Variants in INPP4B observed in about 807,000 individuals in gnomAD.
INPP4B encodes inositol polyphosphate 4-phosphatase type II.
A neutral mutation model predicts 122.5 loss-of-function variants in INPP4B; 55 were observed. The observed-to-expected ratio is 0.45, with a 90% CI of 0.36 to 0.56. The LOEUF (loss-of-function observed/expected upper bound fraction) is 0.56, where lower values mean the gene tolerates loss of function less well. Ranked by LOEUF, INPP4B falls within the 20% of genes least tolerant of loss-of-function variation. The pLI is 0.00. For missense variants in INPP4B, 1,000 were observed against 1,097.7 expected (o/e 0.91, Z 1.26); for synonymous variants, 403 against 388.7 (o/e 1.04, Z -0.43).
intron 7 of INPP4B, among the ~76,000 whole-genome samples, chr4:142,324,288 T>A (rs574628154): frequency 6.6e-6 from 1 of 152,212 alleles, no homozygotes; most frequent in Non-Finnish European, 1.5e-5. Flanking sequence ...GTCTATGGTA[T>A]TACTTATGCG....
intron 2 of INPP4B, among the ~76,000 whole-genome samples, chr4:142,526,565 C>T (rs893442163): frequency 2.0e-5 from 3 of 152,036 alleles, no homozygotes; most frequent in African/African-American, 7.2e-5. Context: ...AGTTAATCGA[C>T]CATGGCATGC....
intron 5 of INPP4B, among the ~76,000 whole-genome samples, chr4:142,427,931 TAG>T (rs978635600): frequency 6.6e-6 from 1 of 151,784 alleles, no homozygotes; most frequent in South Asian, 2.1e-4. Context: ...GAAAACTCTC[TAG>T]AGAGAGAGGG....
rs553751077 is a variant in INPP4B, at chr4:142,473,977, TG to T, written c.-190-11252del. Among the ~76,000 whole-genome samples the T allele has an allele frequency of 3.9e-3, 595 of 152,138 alleles. 4 individuals are homozygous for T. The highest frequency in any genetic ancestry group is 6.2e-3 in the Non-Finnish European group (422 of 67,966). ...GTTTCTGGTCTAGTGCTCCTGCTTC[TG>T]TGTGTACTCAGCCTTAAGGCATAGC... On this transcript the variant is annotated intron_variant, in intron 2 of 25. Coordinates refer to ENST00000262992, the MANE Select transcript of INPP4B (RefSeq NM_001101669.3).
intron 5 of INPP4B, among the ~76,000 whole-genome samples, chr4:142,414,815 GCT>G (rs1805335174): frequency 6.6e-6 from 1 of 152,172 alleles, no homozygotes; most frequent in Non-Finnish European, 1.5e-5. Flanking sequence ...TTCAGACTTG[GCT>G]CTTTTTGTGC....
chr4:142,219,852 G>A (rs1343413388), intron 12 of INPP4B, among the ~76,000 whole-genome samples: 2 of 152,094 alleles, frequency 1.3e-5, no homozygotes, highest in Non-Finnish European at 2.9e-5. Context: ...GATTTTCCAG[G>A]TGTTATCCCT....
At position 142,210,302 on chromosome 4, in the gene INPP4B, T is replaced by A. The variant is rs191843154; in HGVS notation, c.837-1276A>T. Among the ~76,000 whole-genome samples, 261 of 152,360 alleles carry A rather than the reference T, an allele frequency of 1.7e-3. 1 individual carries two copies. Among genetic ancestry groups the A allele is most frequent in the Middle Eastern group, 3.4e-3 (1 of 294 alleles). On this transcript the variant is annotated intron_variant, in intron 12 of 25. Coordinates refer to ENST00000262992, the MANE Select transcript of INPP4B (RefSeq NM_001101669.3). ...TGTAGCTGTCTTTGTTTTGTTCCAA[T>A]GGGATTGCAATTTAGAACTGCTGCA...
At chr4:142,540,380 A>C (rs1289007855) in intron 2 of INPP4B, among the ~76,000 whole-genome samples, 1 of 151,538 alleles carries the variant, frequency 6.6e-6, no homozygotes, top group Non-Finnish European at 1.5e-5. Context: ...TGGAGGCTTC[A>C]TAGGGTGATA....
intron 2 of INPP4B, among the ~76,000 whole-genome samples, chr4:142,691,101 C>G (rs915994314): frequency 6.6e-6 from 1 of 152,084 alleles, no homozygotes; most frequent in Non-Finnish European, 1.5e-5. Flanking sequence ...CCCACGAGAC[C>G]ATGGAGCTCT....
At chr4:142,060,585 C>T (rs77341037) in intron 25 of INPP4B, among the ~76,000 whole-genome samples, 471 of 152,292 alleles carry the variant, frequency 3.1e-3, no homozygotes, top group Non-Finnish European at 5.9e-3. Flanking sequence ...TCCACCACGT[C>T]TTAGCTGTAA....
chr4:142,668,029 A>G (rs1756405910), intron 2 of INPP4B, among the ~76,000 whole-genome samples: 1 of 152,216 alleles, frequency 6.6e-6, no homozygotes, highest in African/African-American at 2.4e-5. Flanking sequence ...TTTCAGATTC[A>G]TTATATGAGG....
At chr4:142,747,842 G>A (rs1199117572) in intron 1 of INPP4B, among the ~76,000 whole-genome samples, 1 of 151,396 alleles carries the variant, frequency 6.6e-6, no homozygotes, top group Non-Finnish European at 1.5e-5. Context: ...GATGCAGGAA[G>A]GGGAACATCA....
At chr4:142,647,593 G>T (rs935740870) in intron 2 of INPP4B, among the ~76,000 whole-genome samples, 20 of 152,148 alleles carry the variant, frequency 1.3e-4, no homozygotes, top group African/African-American at 3.4e-4. Flanking sequence ...TTCCCTGCTT[G>T]CTGATAACCA....
At chr4:142,772,828 T>G (rs914931385) in intron 1 of INPP4B, among the ~76,000 whole-genome samples, 3 of 152,150 alleles carry the variant, frequency 2.0e-5, no homozygotes, top group Admixed American at 1.3e-4. Context: ...GCAGATTGCC[T>G]GAGCTCAGGA....
intron 16 of INPP4B, among the ~76,000 whole-genome samples, chr4:142,170,830 G>C (rs1414505558): frequency 2.6e-5 from 4 of 151,668 alleles, no homozygotes; most frequent in Non-Finnish European, 5.9e-5. Flanking sequence ...CTGTCAAATA[G>C]TATGAATTCA....
chr4:142,736,413 T>C (rs1435408061), intron 1 of INPP4B, among the ~76,000 whole-genome samples: 1 of 152,186 alleles, frequency 6.6e-6, no homozygotes, highest in Non-Finnish European at 1.5e-5. Context: ...GGAATATTAT[T>C]TAATTTTCAT....
At chr4:142,042,255 A>G in intron 25 of INPP4B, among the ~76,000 whole-genome samples, 1 of 152,150 alleles carries the variant, frequency 6.6e-6, no homozygotes, top group East Asian at 1.9e-4. Flanking sequence ...CATAGTAAAA[A>G]TACTTCCCGA....
chr4:142,101,077 T>C (rs936902483), intron 23 of INPP4B, among the ~76,000 whole-genome samples: 2 of 152,068 alleles, frequency 1.3e-5, no homozygotes, highest in African/African-American at 4.8e-5. Context: ...GAATCCAGGC[T>C]CAAGATAAGT....
intron 5 of INPP4B, among the ~76,000 whole-genome samples, chr4:142,408,395 A>G (rs909210348): frequency 6.6e-6 from 1 of 152,130 alleles, no homozygotes; most frequent in African/African-American, 2.4e-5. Flanking sequence ...TCTATTAAAA[A>G]TACAAAAATT....
intron 2 of INPP4B, among the ~76,000 whole-genome samples, chr4:142,622,997 A>G (rs114184337): frequency 0.014 from 2,055 of 152,016 alleles, 35 homozygotes; most frequent in African/African-American, 0.039. Context: ...TTTGGCCCTT[A>G]ACACTCCTCT....
Sources: gnomAD v4.1 joint callset for allele counts (sites outside exome capture counted in the v4.1 genomes callset) on GRCh38, gnomAD v4.1.1 for gene constraint, MANE v1.5 for transcripts, NCBI Gene and HGNC (gene_info 2026-07-23, HGNC 2026-07-21) for gene names.